The following OSBPL3 variants were observed in gnomAD, a reference collection of about 807,000 sequenced individuals.
The protein encoded by OSBPL3 is oxysterol-binding protein-related protein 3.
A neutral mutation model predicts 120.1 loss-of-function variants in OSBPL3; 65 were observed. The ratio of observed to expected loss-of-function variants is 0.54; its 90% CI spans 0.44 to 0.67. The LOEUF is 0.67. OSBPL3 is among the 30% of genes least tolerant of loss of function. OSBPL3 has a pLI of 0.00. For synonymous variants in OSBPL3, 416 were observed against 402.6 expected (o/e 1.03, Z -0.40); for missense variants, 1,004 against 1,082.1 (o/e 0.93, Z 1.01).
intron 1 of OSBPL3, among the ~76,000 whole-genome samples, chr7:24,961,952 A>G (rs1299534391): frequency 1.3e-5 from 2 of 152,144 alleles, no homozygotes; most frequent in African/African-American, 4.8e-5. Context: ...ACAGACATAC[A>G]TTATTTTTGT....
At chr7:24,874,417 A>C (rs540121318) in intron 2 of OSBPL3, among the ~76,000 whole-genome samples, 1 of 152,370 alleles carries the variant, frequency 6.6e-6, no homozygotes, top group East Asian at 1.9e-4. Context: ...TCGATTGTGC[A>C]CAATGCAAAT....
At position 24,834,367 on chromosome 7, in the gene OSBPL3, ACGGAAC is replaced by A; in HGVS notation, c.1746+113_1746+118del. 4 of 1,514,608 alleles carry A rather than the reference ACGGAAC, an allele frequency of 2.6e-6. No individual in the cohort carries two copies. The Admixed American group carries it at 9.0e-5, about 34-fold the overall frequency. 93.8% of individuals were successfully genotyped at this position (1,514,608 alleles called of 1,614,324 possible). ...ACAGCTCTGAGTAATGAACCTGTTT[ACGGAAC>A]AATCAAAATGAAACCGGAGGGAACA... On this transcript the variant is annotated intron_variant, in intron 15 of 22. Coordinates refer to ENST00000313367, the MANE Select transcript of OSBPL3 (RefSeq NM_015550.4). The surrounding 1 kb of genome is among the most constrained non-coding windows in gnomAD (Gnocchi z 5.2).
At chr7:24,969,130 T>G (rs1816723836) in intron 1 of OSBPL3, among the ~76,000 whole-genome samples, 5 of 152,376 alleles carry the variant, frequency 3.3e-5, no homozygotes, top group Admixed American at 2.0e-4. Context: ...TATGAATACC[T>G]GTTTCTTCAA....
At position 24,861,732 on chromosome 7, in the gene OSBPL3, G is replaced by T. The variant is rs765264812; in HGVS notation, c.908C>A (p.Ser303Tyr). The change falls in exon 10 of 23, where the codon TCC becomes TAC. Residue 303 changes from serine to tyrosine, a missense_variant. By Grantham distance (144) the Ser-to-Tyr change is moderately radical. Around this residue, in one of 4 missense-constraint regions of OSBPL3, gnomAD observed 272 missense variants for 248.8 expected, o/e 1.09. Transcript: ENST00000313367. ...TAGTGTTGACAAATTAGGATTGGAG[G>T]AGTGTAGTCTTACTGGGCCAGAAAA... ...KPFSGPVRLH[S>Y]SNPNLSTLDF... The T allele has an allele frequency of 2.5e-6, 4 of 1,608,938 alleles. No homozygotes were observed. The highest frequency in any genetic ancestry group is 2.5e-6 in the Non-Finnish European group (3 of 1,177,532).
chr7:24,804,947 T>A lies in OSBPL3; in HGVS notation c.2445-510A>T, dbSNP rs1355648721. Among the ~76,000 whole-genome samples, 1 of 152,242 alleles carries A rather than the reference T, an allele frequency of 6.6e-6. No individual in the cohort carries two copies. Among genetic ancestry groups the A allele is most frequent in the African/African-American group, 2.4e-5 (1 of 41,470 alleles). On this transcript the variant is annotated intron_variant, in intron 21 of 22. Coordinates refer to ENST00000313367, the MANE Select transcript of OSBPL3 (RefSeq NM_015550.4). The surrounding 1 kb of genome is among the most constrained non-coding windows in gnomAD (Gnocchi z 5.4). ...ACATCTTCATTTTTTAATAGCCACA[T>A]AATATCCAGTTGCGTGGATGTATAT...
chr7:24,803,243 T>C lies in OSBPL3; in HGVS notation c.2567+1072A>G, dbSNP rs951599473. ...GTGGCCCTGGAAGGACTTGGGCAGA[T>C]GGAGTAGAGCAGGAACTTGCTGCTT... is the stretch of plus-strand genomic sequence containing the variant. On this transcript the variant is annotated intron_variant, in intron 22 of 22. Coordinates refer to ENST00000313367, the MANE Select transcript of OSBPL3 (RefSeq NM_015550.4). This position sits in a 1 kb window ranked among gnomAD's most constrained non-coding sequence, Gnocchi z 4.2. Among the ~76,000 whole-genome samples, 3 of 152,188 alleles carry C rather than the reference T, an allele frequency of 2.0e-5. No homozygotes were observed. Among genetic ancestry groups the C allele is most frequent in the Non-Finnish European group, 4.4e-5 (3 of 68,032 alleles).
rs1284343011 is a variant in OSBPL3, at chr7:24,900,655, C to G, written c.-149-8034G>C. Among the ~76,000 whole-genome samples the G allele has an allele frequency of 6.6e-6, 1 of 152,172 alleles. No individual in the cohort carries two copies. Among genetic ancestry groups the G allele is most frequent in the African/African-American group, 2.4e-5 (1 of 41,442 alleles). Reference sequence around the variant, plus strand: ...CATCATGGCAAAATTCCTCAATCAGCTCTCCAGAAAACTAAAAGACAGAGT... The same window carrying G: ...CATCATGGCAAAATTCCTCAATCAGGTCTCCAGAAAACTAAAAGACAGAGT... On this transcript the variant is annotated intron_variant, in intron 1 of 22. Coordinates refer to ENST00000313367, the MANE Select transcript of OSBPL3 (RefSeq NM_015550.4). This position sits in a 1 kb window ranked among gnomAD's most constrained non-coding sequence, Gnocchi z 4.5.
intron 12 of OSBPL3, 60 bp from the exon 13 acceptor site, chr7:24,842,473 A>G (rs1165656760): frequency 1.5e-6 from 2 of 1,321,854 alleles, no homozygotes; most frequent in Admixed American, 2.1e-5. Context: ...GAGAAAGAAA[A>G]TAAATGATTT....
chr7:24,850,354 C>T (rs1562823430), intron 11 of OSBPL3, among the ~76,000 whole-genome samples: 4 of 152,220 alleles, frequency 2.6e-5, no homozygotes, highest in African/African-American at 9.6e-5. Flanking sequence ...GACAAGTTCT[C>T]CTGACTGTCT....
rs1803000987 is a variant in OSBPL3, at chr7:24,877,403, T to A, written c.97-5334A>T. On this transcript the variant is annotated intron_variant, in intron 2 of 22. Transcript: ENST00000313367. This position sits in a 1 kb window ranked among gnomAD's most constrained non-coding sequence, Gnocchi z 4.8. ...GCTGCCAAGTCTTCGCCATTCATTTTTTTTCATATTTGGAAAGCCTGCCCC... is the reference window on the plus strand; with the variant it reads ...GCTGCCAAGTCTTCGCCATTCATTTATTTTCATATTTGGAAAGCCTGCCCC... 6.6e-6 allele frequency among the ~76,000 whole-genome samples: 1 copy of A among 152,168 alleles called. No individual in the cohort carries two copies. The highest frequency in any genetic ancestry group is 1.5e-5 in the Non-Finnish European group (1 of 68,030).
rs546920822 is a variant in OSBPL3 at position 24,834,235 on chromosome 7, C to A, written c.1746+251G>T. ...CTTCTGGAGAAAGAGGAAGCACAAA[C>A]CCACAGAACAGAACTACCCCAGGCA... On this transcript the variant is annotated intron_variant, in intron 15 of 22. Coordinates refer to ENST00000313367, the MANE Select transcript of OSBPL3 (RefSeq NM_015550.4). This position sits in a 1 kb window ranked among gnomAD's most constrained non-coding sequence, Gnocchi z 5.2. The A allele has an allele frequency of 7.6e-5, 93 of 1,223,526 alleles. No individual in the cohort carries two copies. Among genetic ancestry groups the A allele is most frequent in the South Asian group, 3.0e-4 (10 of 33,058 alleles). 75.8% of individuals were successfully genotyped at this position (1,223,526 alleles called of 1,614,324 possible). A position where few individuals can be genotyped will look rare whatever the true frequency, so the allele number is the denominator to read the frequency against.
chr7:24,890,549 C>T (rs999601947), intron 2 of OSBPL3, among the ~76,000 whole-genome samples: 47 of 152,218 alleles, frequency 3.1e-4, no homozygotes, highest in African/African-American at 9.4e-4. Context: ...CACCTTTCTT[C>T]GACAGAAGGA....
In OSBPL3 at chr7:24,861,804, G is replaced by A. The variant is rs1800577552; in HGVS notation, c.871-35C>T. ...CACCAAAGGGAGATATTTCTTTTCA[G>A]ATGCAGATTGCTTAGAATATTTACT... On this transcript the variant is annotated intron_variant, in intron 9 of 22. Transcript: ENST00000313367. 3 of 1,443,324 alleles carry A rather than the reference G, an allele frequency of 2.1e-6. No individual in the cohort carries two copies. In the African/African-American group the frequency reaches 4.3e-5, roughly 21 times the overall value. The allele number at this position is 1,443,324 out of a possible 1,614,324, so 89.4% of individuals were successfully genotyped here.
chr7:24,896,030 T>C lies in OSBPL3; in HGVS notation c.-149-3409A>G, dbSNP rs1006832994. Among the ~76,000 whole-genome samples the C allele has an allele frequency of 6.6e-6, 1 of 152,120 alleles. No individual in the cohort carries two copies. Among genetic ancestry groups the C allele is most frequent in the Non-Finnish European group, 1.5e-5 (1 of 68,028 alleles). ...TTGCAGATTGCTGTCCCTGAGTAAATCTCTCCTGCAAGTACTTGTCAACAT... is the reference window on the plus strand; with the variant it reads ...TTGCAGATTGCTGTCCCTGAGTAAACCTCTCCTGCAAGTACTTGTCAACAT... On this transcript the variant is annotated intron_variant, in intron 1 of 22. Transcript: ENST00000313367. The surrounding 1 kb of genome is among the most constrained non-coding windows in gnomAD (Gnocchi z 4.4).
intron 10 of OSBPL3, 113 bp downstream of exon 10, chr7:24,861,500 T>G: frequency 1.5e-6 from 1 of 654,962 alleles, no homozygotes; most frequent in South Asian, 2.9e-5. Flanking sequence ...TCCCTAAATC[T>G]TAATAGAGCA....
rs1403041487 is a variant in OSBPL3 at position 24,863,610 on chromosome 7, A to G, written c.674-11T>C. The G allele has an allele frequency of 1.3e-6, 2 of 1,576,864 alleles. No homozygotes were observed. The highest frequency in any genetic ancestry group is 1.3e-5 in the African/African-American group (1 of 74,358). ...GACAGTGCGCCAGGTCTGTGGGGGA[A>G]AAGAGGACAGTGCTCACAATGCTCC... is the stretch of plus-strand genomic sequence containing the variant. On this transcript the variant is annotated splice_polypyrimidine_tract_variant and intron_variant, in intron 7 of 22. Transcript: ENST00000313367. The surrounding 1 kb of genome is among the most constrained non-coding windows in gnomAD (Gnocchi z 5.8).
intron 1 of OSBPL3, among the ~76,000 whole-genome samples, chr7:24,919,651 A>G (rs1584622835): frequency 6.6e-6 from 1 of 152,008 alleles, no homozygotes; most frequent in African/African-American, 2.4e-5. Context: ...AAGGGGGAAA[A>G]AAGTGATAAA....
intron 1 of OSBPL3, among the ~76,000 whole-genome samples, chr7:24,978,254 G>A (rs1166416118): frequency 1.3e-5 from 2 of 152,204 alleles, no homozygotes; most frequent in Non-Finnish European, 2.9e-5. Flanking sequence ...AGTAAAAAAA[G>A]GATAAAGATG....
Position 24,892,408 on chromosome 7 carries a change from C to A in OSBPL3, c.65G>T (p.Ser22Ile). Residue 22 changes from serine (S) to isoleucine (I), a missense_variant, in exon 2 of 23, where the codon AGT becomes ATT. Coordinates refer to ENST00000313367, the MANE Select transcript of OSBPL3 (RefSeq NM_015550.4). ...ACTTCCTTGCTTGGAAGAGCAGCTA[C>A]TTGTGCTCCTTGAAGGTGATACCAA... ...QKLVSPSRSTSSCSSKQGSRQ... is the reference protein window; with the variant it reads ...QKLVSPSRSTISCSSKQGSRQ... 6.2e-7 allele frequency: 1 copy of A among 1,613,672 alleles called. No homozygotes were observed. Among genetic ancestry groups the A allele is most frequent in the African/African-American group, 1.3e-5 (1 of 75,044 alleles).
Sources: allele counts gnomAD v4.1 joint callset (sites outside exome capture counted in the v4.1 genomes callset), GRCh38; gene constraint gnomAD v4.1.1; regional missense constraint gnomAD v4.1.1; non-coding constraint Gnocchi (gnomAD v3.1); transcripts MANE v1.5; gene names NCBI Gene and HGNC (gene_info 2026-07-23, HGNC 2026-07-21).